Variants in BRIX1 observed in about 807,000 individuals in gnomAD.
BRIX1 encodes biogenesis of ribosomes BRX1, also known as ribosome biogenesis protein BRX1 homolog.
In BRIX1, 15 loss-of-function variants were observed where a neutral mutation model predicts 44.0. The ratio of observed to expected loss-of-function variants is 0.34; its 90% CI spans 0.23 to 0.53. The LOEUF (loss-of-function observed/expected upper bound fraction) is 0.53, where lower values mean the gene tolerates loss of function less well. BRIX1 is among the 20% of genes least tolerant of loss of function. The pLI is 0.95. For missense variants in BRIX1, 420 were observed against 432.8 expected (o/e 0.97, Z 0.26); for synonymous variants, 149 against 135.4 (o/e 1.10, Z -0.70).
chr5:34,925,443 A>G lies in BRIX1; in HGVS notation c.1010A>G (p.Tyr337Cys). 1.2e-6 allele frequency: 2 copies of G among 1,613,946 alleles called. No homozygotes were observed. Among genetic ancestry groups the G allele is most frequent in the Non-Finnish European group, 1.7e-6 (2 of 1,179,998 alleles). The part of the protein sequence containing the change: ...VDLKARKKRI[Y>C]KRQRKMKQRM... ...TTGAAAGCAAGAAAGAAACGGATTT[A>G]CAAAAGGCAAAGAAAAATGAAACAG... The change falls in exon 10 of 10, where the codon TAC becomes TGC. Residue 337 changes from tyrosine (Y) to cysteine (C), a missense_variant. Tyr to Cys is a radical substitution (Grantham distance 194). Coordinates refer to ENST00000336767, the MANE Select transcript of BRIX1 (RefSeq NM_018321.4).
In BRIX1 at chr5:34,915,883, G is replaced by A. The variant is rs1411691985; in HGVS notation, c.145G>A (p.Gly49Ser). Residue 49 changes from glycine (G) to serine (S), a missense_variant, in exon 1 of 10, where the codon GGC becomes AGC. Transcript: ENST00000336767. The part of the protein sequence containing the change: ...VEEEERDRIP[G>S]PVCKGKWKNK... ...GGAAGAAGAGAGGGACCGGATCCCA[G>A]GCCCCGTTTGCAAGGTAGGAGGGGA... 1.9e-6 allele frequency: 3 copies of A among 1,556,382 alleles called. No homozygotes were observed. Among genetic ancestry groups the A allele is most frequent in the Non-Finnish European group, 2.6e-6 (3 of 1,150,190 alleles).
In BRIX1 at chr5:34,918,591, G is replaced by A. The variant is rs572285032; in HGVS notation, c.271+116G>A. ...AGTGTTCTCACGAAAAAAACACAAT[G>A]CCTTTTATCCTTTCAAGTGCCACAA... is the stretch of plus-strand genomic sequence containing the variant. On this transcript the variant is annotated intron_variant, in intron 2 of 9. Coordinates refer to ENST00000336767, the MANE Select transcript of BRIX1 (RefSeq NM_018321.4). The A allele has an allele frequency of 3.2e-5, 18 of 558,188 alleles. 1 individual carries two copies. In the South Asian group the frequency reaches 5.9e-4, roughly 18 times the overall value. 34.6% of individuals were successfully genotyped at this position (558,188 alleles called of 1,614,324 possible).
chr5:34,918,198 CTACTG>C (rs1177317979), intron 1 of BRIX1, 161 bp from the exon 2 acceptor site: 4 of 458,522 alleles, frequency 8.7e-6, no homozygotes, highest in African/African-American at 8.2e-5. Context: ...TAGTCTCCAG[CTACTG>C]TAGATGCTGG....
At chr5:34,915,981 C>T (rs1764070217) in intron 1 of BRIX1, 84 bp downstream of exon 1, 1 of 1,423,538 alleles carries the variant, frequency 7.0e-7, no homozygotes, top group Non-Finnish European at 9.3e-7. Context: ...TACAGCCTTG[C>T]TTAATTTCAG....
chr5:34,922,172 C>T (rs756604426), intron 3 of BRIX1, 45 bp from the exon 4 acceptor site: 1 of 1,101,858 alleles, frequency 9.1e-7, no homozygotes, highest in East Asian at 2.4e-5. Flanking sequence ...CTTTAGTTCT[C>T]ATTTATATTA....
chr5:34,918,158 A>C, intron 1 of BRIX1: 1 of 352,978 alleles, frequency 2.8e-6, no homozygotes. Flanking sequence ...AAAAAAAAAA[A>C]AACTAGCTGG....
intron 1 of BRIX1, chr5:34,918,158 A>AG (rs2111972363): frequency 2.8e-6 from 1 of 352,978 alleles, no homozygotes; most frequent in East Asian, 4.6e-5. Flanking sequence ...AAAAAAAAAA[A>AG]AACTAGCTGG....
chr5:34,922,791 G>A, intron 6 of BRIX1, 23 bp downstream of exon 6: 2 of 1,601,276 alleles, frequency 1.2e-6, no homozygotes, highest in Non-Finnish European at 1.7e-6. Flanking sequence ...TTCAGTGTAT[G>A]AGGTCTAATT....
In BRIX1 at chr5:34,919,191, G is replaced by A. The variant is rs923654751; in HGVS notation, c.272-649G>A. Among the ~76,000 whole-genome samples the A allele has an allele frequency of 4.7e-5, 7 of 149,500 alleles. No homozygotes were observed. In the South Asian group the frequency reaches 1.5e-3, roughly 32 times the overall value. Reference sequence around the variant, plus strand: ...CTCAGGAGTCTCAAGCAGGAGGATGGCTTGAGCCCAGGAGTTCAAGGCTGT... The same window carrying A: ...CTCAGGAGTCTCAAGCAGGAGGATGACTTGAGCCCAGGAGTTCAAGGCTGT... On this transcript the variant is annotated intron_variant, in intron 2 of 9. Coordinates refer to ENST00000336767, the MANE Select transcript of BRIX1 (RefSeq NM_018321.4).
chr5:34,922,858 C>A, intron 6 of BRIX1, 90 bp downstream of exon 6: 2 of 1,337,756 alleles, frequency 1.5e-6, no homozygotes, highest in South Asian at 2.5e-5. Context: ...AATTTAGTTT[C>A]ACCCCCACCT....
rs78774512 is a variant in BRIX1 at position 34,922,443 on chromosome 5, G to A, written c.387-96G>A. ...TTGATACCTTTAAAGAAAATTAAAT[G>A]TATAAATATTATAAGCATATTATTT... On this transcript the variant is annotated intron_variant, in intron 4 of 9. Coordinates refer to ENST00000336767, the MANE Select transcript of BRIX1 (RefSeq NM_018321.4). The A allele has an allele frequency of 2.8e-4, 258 of 928,534 alleles. No individual in the cohort carries two copies. In the African/African-American group the frequency reaches 4.0e-3, roughly 14 times the overall value. 57.5% of individuals were successfully genotyped at this position (928,534 alleles called of 1,614,324 possible). A position where few individuals can be genotyped will look rare whatever the true frequency, so the allele number is the denominator to read the frequency against.
intron 3 of BRIX1, chr5:34,921,950 G>T: frequency 4.9e-6 from 1 of 202,576 alleles, no homozygotes; most frequent in Non-Finnish European, 9.6e-6. Flanking sequence ...CCAGTAATCA[G>T]AAGTGAGACC....
In BRIX1 at chr5:34,922,766, C is replaced by T. The variant is rs774021593; in HGVS notation, c.508C>T (p.Pro170Ser). 19 of 1,613,300 alleles carry T rather than the reference C, an allele frequency of 1.2e-5. No homozygotes were observed. In the East Asian group the frequency reaches 3.3e-4, roughly 28 times the overall value. ...KGSRPLLSFD[P>S]AFDELPHYAL... ...TTCTCGGCCCCTTTTGTCTTTTGAC[C>T]CTGTAAGTTTCTCATTCAGTGTATG... The change falls in exon 6 of 10, where the codon CCT becomes TCT. Residue 170 changes from proline (P) to serine (S), a missense_variant and splice_region_variant. Pro to Ser is a moderately conservative substitution (Grantham distance 74). Transcript: ENST00000336767.
intron 2 of BRIX1, 126 bp downstream of exon 2, chr5:34,918,601 C>G: frequency 2.0e-6 from 1 of 500,522 alleles, no homozygotes; most frequent in South Asian, 4.5e-5. Context: ...GCCTTTTATC[C>G]TTTCAAGTGC....
Position 34,915,767 on chromosome 5 carries a change from G to T in BRIX1, c.29G>T (p.Gly10Val). 2 of 1,603,814 alleles carry T rather than the reference G, an allele frequency of 1.2e-6. No individual in the cohort carries two copies. The highest frequency in any genetic ancestry group is 1.1e-5 in the South Asian group (1 of 89,464). MAATKRKRR[G>V]GFAVQAKKPK... ...GCGGCAACCAAGAGGAAACGGCGTG[G>T]AGGCTTTGCAGTTCAGGCGAAGAAG... Residue 10 changes from glycine (G) to valine (V), a missense_variant, in exon 1 of 10, where the codon GGA (glycine) becomes GTA (valine). Gly to Val is a moderately radical substitution (Grantham distance 109, BLOSUM62 -3). Transcript: ENST00000336767.
At chr5:34,922,965 C>CAGTA (rs759036591) in intron 6 of BRIX1, 36 bp from the exon 7 acceptor site, 1 of 1,394,394 alleles carries the variant, frequency 7.2e-7, no homozygotes. Context: ...ACAAGGCAGT[C>CAGTA]TACTGTTAAA....
At chr5:34,919,339 T>C (rs569794541) in intron 2 of BRIX1, among the ~76,000 whole-genome samples, 7 of 150,466 alleles carry the variant, frequency 4.7e-5, no homozygotes, top group African/African-American at 1.7e-4. Flanking sequence ...CATATGGCTG[T>C]TGTTGTGCTT....
rs2111984978 is a variant in BRIX1 at position 34,923,240 on chromosome 5, C to G, written c.663+6C>G. 1.3e-6 allele frequency: 2 copies of G among 1,569,104 alleles called. No individual in the cohort carries two copies. Among genetic ancestry groups the G allele is most frequent in the Non-Finnish European group, 1.8e-6 (2 of 1,139,650 alleles). ...TATGGTTTCGGAACTTTCAGGTAAGCTTTACTTGATTTTTAATTATACCTT... is the reference window on the plus strand; with the variant it reads ...TATGGTTTCGGAACTTTCAGGTAAGGTTTACTTGATTTTTAATTATACCTT... On this transcript the variant is annotated splice_donor_region_variant and intron_variant, in intron 8 of 9. Coordinates refer to ENST00000336767, the MANE Select transcript of BRIX1 (RefSeq NM_018321.4).
intron 1 of BRIX1, 77 bp downstream of exon 1, chr5:34,915,974 A>G (rs763663017): frequency 1.4e-6 from 2 of 1,435,254 alleles, no homozygotes; most frequent in Non-Finnish European, 1.8e-6. Flanking sequence ...ACTTGACTAC[A>G]GCCTTGCTTA....
Sources: gnomAD v4.1 joint callset for allele counts (sites outside exome capture counted in the v4.1 genomes callset) on GRCh38, gnomAD v4.1.1 for gene constraint, MANE v1.5 for transcripts, NCBI Gene and HGNC (gene_info 2026-07-23, HGNC 2026-07-21) for gene names.